Variants in OCA2 observed in about 807,000 individuals in gnomAD.
OCA2 encodes the protein OCA2 melanosomal transmembrane protein.
OCA2 carries 77 observed loss-of-function variants against 100.2 expected under a neutral mutation model. That is an observed-to-expected ratio of 0.77 (90% CI 0.64 to 0.93). OCA2 has a LOEUF of 0.93. OCA2 is among the 40% of genes least tolerant of loss of function. The probability of loss-of-function intolerance (pLI) is 0.00; values close to 1 mark genes in which losing one functional copy is unlikely to be tolerated. For synonymous variants in OCA2, 432 were observed against 439.2 expected (o/e 0.98, Z 0.21); for missense variants, 1,062 against 1,089.1 (o/e 0.98, Z 0.35).
rs890340873 is a variant in OCA2 at position 27,801,324 on chromosome 15, T to C, written c.2432+43635A>G. ...TCACCAACACTTTGGGAGGCCAAGG[T>C]GGGCAGATCACGAGGTCAAGAGATC... On this transcript the variant is annotated intron_variant, in intron 23 of 23. Coordinates refer to ENST00000354638, the MANE Select transcript of OCA2 (RefSeq NM_000275.3). Among the ~76,000 whole-genome samples the C allele has an allele frequency of 7.2e-5, 11 of 152,014 alleles. 1 individual carries two copies. Among genetic ancestry groups the C allele is most frequent in the Admixed American group, 3.9e-4 (6 of 15,264 alleles).
At chr15:28,021,556 C>T (rs2042594577) in intron 6 of OCA2, among the ~76,000 whole-genome samples, 1 of 152,186 alleles carries the variant, frequency 6.6e-6, no homozygotes, top group Admixed American at 6.5e-5. Flanking sequence ...GTGGGAGCCT[C>T]TGAGAGCCAC....
intron 19 of OCA2, among the ~76,000 whole-genome samples, chr15:27,879,990 A>T (rs1194801938): frequency 6.6e-6 from 1 of 152,130 alleles, no homozygotes; most frequent in East Asian, 1.9e-4. Context: ...TTTGGGTTTT[A>T]TATTTAAGTC....
At chr15:28,081,099 G>A (rs1381622335) in intron 2 of OCA2, among the ~76,000 whole-genome samples, 3 of 152,108 alleles carry the variant, frequency 2.0e-5, no homozygotes, top group Non-Finnish European at 4.4e-5. Context: ...ACACAGGGGC[G>A]GGAGGAGGGA....
At chr15:27,770,670 G>A (rs2031664558) in intron 23 of OCA2, among the ~76,000 whole-genome samples, 1 of 149,594 alleles carries the variant, frequency 6.7e-6, no homozygotes, top group Non-Finnish European at 1.5e-5. Flanking sequence ...ATCCAAGATG[G>A]ACAGCGGTGG....
At chr15:27,983,302 G>A in intron 14 of OCA2, 43 bp downstream of exon 14, 1 of 1,612,616 alleles carries the variant, frequency 6.2e-7, no homozygotes, top group Non-Finnish European at 8.5e-7. Context: ...ACTAAGTGGA[G>A]GTGTGCGTTT....
chr15:27,998,153 C>A (rs2041809255), intron 9 of OCA2, among the ~76,000 whole-genome samples: 1 of 137,388 alleles, frequency 7.3e-6, no homozygotes, highest in Admixed American at 7.5e-5. Flanking sequence ...GACTTCATGT[C>A]TAAAATACCA....
rs554173585 is a variant in OCA2 at position 28,009,897 on chromosome 15, A to G, written c.1044+4879T>C. 3.3e-4 allele frequency among the ~76,000 whole-genome samples: 51 copies of G among 152,344 alleles called. No homozygotes were observed. The South Asian group carries it at 8.5e-3, about 25-fold the overall frequency. The stretch of plus-strand genomic sequence containing the variant: ...AAAGTGGAAGTCTCAGGGAAATGTA[A>G]GAATTAGAGAGAACTAACTGAAACT... On this transcript the variant is annotated intron_variant, in intron 9 of 23. Coordinates refer to ENST00000354638, the MANE Select transcript of OCA2 (RefSeq NM_000275.3).
chr15:27,823,605 A>G lies in OCA2; in HGVS notation c.2432+21354T>C, dbSNP rs114105492. Among the ~76,000 whole-genome samples, 680 of 152,312 alleles carry G rather than the reference A, an allele frequency of 4.5e-3. 6 individuals carry two copies. The highest frequency in any genetic ancestry group is 0.015 in the African/African-American group (641 of 41,566). ...AAACATTTTAACTGAGTTTTTTTACATTTTCAATTAGTTATTTTAGTATCT... is the reference window on the plus strand; with the variant it reads ...AAACATTTTAACTGAGTTTTTTTACGTTTTCAATTAGTTATTTTAGTATCT... On this transcript the variant is annotated intron_variant, in intron 23 of 23. Transcript: ENST00000354638.
At chr15:27,891,238 T>G (rs2037448080) in intron 19 of OCA2, among the ~76,000 whole-genome samples, 1 of 152,192 alleles carries the variant, frequency 6.6e-6, no homozygotes. Flanking sequence ...GTGGTAATTC[T>G]AATAAGTCAT....
At chr15:28,091,282 G>A (rs1460692516) in intron 1 of OCA2, among the ~76,000 whole-genome samples, 1 of 152,022 alleles carries the variant, frequency 6.6e-6, no homozygotes, top group Admixed American at 6.6e-5. Context: ...ATCTCTTCCA[G>A]AAAATAGAAA....
intron 2 of OCA2, among the ~76,000 whole-genome samples, chr15:28,072,361 G>A (rs560744807): frequency 5.3e-5 from 8 of 152,084 alleles, no homozygotes; most frequent in Non-Finnish European, 7.4e-5. Context: ...GGGCCGAGGC[G>A]GGAGGATCAC....
intron 19 of OCA2, among the ~76,000 whole-genome samples, chr15:27,884,196 A>G (rs1192550728): frequency 6.6e-6 from 1 of 152,196 alleles, no homozygotes; most frequent in Admixed American, 6.5e-5. Context: ...AGCCTGGTCA[A>G]TGTGGCGAAA....
At chr15:27,976,735 A>G (rs2040979312) in intron 14 of OCA2, among the ~76,000 whole-genome samples, 1 of 152,188 alleles carries the variant, frequency 6.6e-6, no homozygotes, top group Admixed American at 6.5e-5. Flanking sequence ...TCTAGTTCAC[A>G]TATCAAGGCC....
intron 2 of OCA2, among the ~76,000 whole-genome samples, chr15:28,072,481 T>C (rs999008152): frequency 8.0e-5 from 12 of 150,712 alleles, no homozygotes; most frequent in African/African-American, 2.9e-4. Context: ...TCCCAGCTAC[T>C]CGGAAGGCTG....
the OCA2 span, among the ~76,000 whole-genome samples, chr15:27,737,824 A>G: frequency 6.6e-6 from 1 of 152,228 alleles, no homozygotes; most frequent in Non-Finnish European, 1.5e-5. Flanking sequence ...GATCCAGAGT[A>G]GTGAAAGAAC....
chr15:27,918,866 A>C (rs2038763264), intron 19 of OCA2, among the ~76,000 whole-genome samples: 1 of 152,226 alleles, frequency 6.6e-6, no homozygotes, highest in Non-Finnish European at 1.5e-5. Flanking sequence ...TAGAATGAGA[A>C]GACAGACAAA....
At chr15:27,798,622 G>A (rs1227985426) in intron 23 of OCA2, among the ~76,000 whole-genome samples, 1 of 151,070 alleles carries the variant, frequency 6.6e-6, no homozygotes, top group African/African-American at 2.4e-5. Flanking sequence ...AAGTCTTCCT[G>A]AACTTTTCTT....
chr15:27,771,703 T>A (rs574316690), intron 23 of OCA2, among the ~76,000 whole-genome samples: 47 of 152,372 alleles, frequency 3.1e-4, no homozygotes, highest in African/African-American at 6.0e-4. Context: ...GTATTTTTTT[T>A]ATCAGCATGT....
intron 2 of OCA2, among the ~76,000 whole-genome samples, chr15:28,047,458 A>T (rs1045767660): frequency 6.6e-6 from 1 of 152,072 alleles, no homozygotes; most frequent in Non-Finnish European, 1.5e-5. Flanking sequence ...ATACAGACAG[A>T]CCTCATGTCA....
Sources: allele counts gnomAD v4.1 joint callset (sites outside exome capture counted in the v4.1 genomes callset), GRCh38; gene constraint gnomAD v4.1.1; transcripts MANE v1.5; gene names NCBI Gene and HGNC (gene_info 2026-07-23, HGNC 2026-07-21).